Variants in B3GAT2 observed in about 807,000 individuals in gnomAD.
B3GAT2 encodes the protein galactosylgalactosylxylosylprotein 3-beta-glucuronosyltransferase 2.
In B3GAT2, 26 loss-of-function variants were observed where a neutral mutation model predicts 27.8. The ratio of observed to expected loss-of-function variants is 0.93; its 90% CI spans 0.68 to 1.30. The LOEUF (loss-of-function observed/expected upper bound fraction) is 1.30, where lower values mean the gene tolerates loss of function less well. Among genes scored for constraint, B3GAT2 ranks in the 50% most tolerant of loss-of-function variants. The probability of loss-of-function intolerance (pLI) is 0.00; values close to 1 mark genes in which losing one functional copy is unlikely to be tolerated. For synonymous variants in B3GAT2, 218 were observed against 195.1 expected (o/e 1.12, Z -0.98); for missense variants, 458 against 459.0 (o/e 1.00, Z 0.02).
chr6:70,944,943 G>C (rs1765454914), intron 1 of B3GAT2, among the ~76,000 whole-genome samples: 1 of 152,208 alleles, frequency 6.6e-6, no homozygotes, highest in Non-Finnish European at 1.5e-5. Flanking sequence ...AGCCACCGCT[G>C]CTGATAACCA....
At chr6:70,919,380 C>T (rs1469674783) in intron 1 of B3GAT2, among the ~76,000 whole-genome samples, 2 of 152,088 alleles carry the variant, frequency 1.3e-5, no homozygotes, top group South Asian at 2.1e-4. Context: ...TTGTTATTAC[C>T]GACCTTCTGA....
At chr6:70,936,819 C>T (rs1243679638) in intron 1 of B3GAT2, among the ~76,000 whole-genome samples, 5 of 152,046 alleles carry the variant, frequency 3.3e-5, no homozygotes, top group South Asian at 2.1e-4. Flanking sequence ...CCAAAATTGA[C>T]ACCCTAACAT....
At chr6:70,890,898 A>G (rs532504596) in intron 2 of B3GAT2, among the ~76,000 whole-genome samples, 5 of 152,392 alleles carry the variant, frequency 3.3e-5, no homozygotes, top group African/African-American at 9.6e-5. Context: ...AGAATTAATA[A>G]TAAGGCACAT....
intron 1 of B3GAT2, among the ~76,000 whole-genome samples, chr6:70,935,229 T>C (rs1169425534): frequency 6.6e-6 from 1 of 152,008 alleles, no homozygotes; most frequent in African/African-American, 2.4e-5. Context: ...TAGGACTGCT[T>C]GAAGCCAGGA....
At chr6:70,945,867 C>G (rs1010603125) in intron 1 of B3GAT2, among the ~76,000 whole-genome samples, 5 of 151,438 alleles carry the variant, frequency 3.3e-5, no homozygotes, top group South Asian at 2.1e-4. Context: ...GACTAACAGC[C>G]GATCTCTCGG....
At chr6:70,873,090 G>A (rs918406355) in intron 2 of B3GAT2, among the ~76,000 whole-genome samples, 1 of 152,006 alleles carries the variant, frequency 6.6e-6, no homozygotes, top group Non-Finnish European at 1.5e-5. Context: ...GGAGAAAAGA[G>A]CTATAAAGAT....
intron 2 of B3GAT2, among the ~76,000 whole-genome samples, chr6:70,893,728 A>G (rs1035466574): frequency 1.3e-5 from 2 of 152,154 alleles, no homozygotes; most frequent in Non-Finnish European, 2.9e-5. Context: ...AAATTTATCA[A>G]TAAACATGAT....
intron 1 of B3GAT2, among the ~76,000 whole-genome samples, chr6:70,904,063 A>G (rs1772555731): frequency 6.6e-6 from 1 of 152,234 alleles, no homozygotes; most frequent in South Asian, 2.1e-4. Context: ...AGTAAGAGAC[A>G]GTAATGAATA....
chr6:70,938,675 T>G (rs1352570111), intron 1 of B3GAT2, among the ~76,000 whole-genome samples: 1 of 152,012 alleles, frequency 6.6e-6, no homozygotes, highest in Non-Finnish European at 1.5e-5. Flanking sequence ...ATTTAATAAA[T>G]AGTGCTGGGA....
intron 1 of B3GAT2, among the ~76,000 whole-genome samples, chr6:70,897,563 A>T (rs1023813919): frequency 2.6e-5 from 4 of 151,666 alleles, no homozygotes; most frequent in Admixed American, 1.3e-4. Context: ...ACATGGTGAA[A>T]CCCCGTCTCT....
intron 1 of B3GAT2, among the ~76,000 whole-genome samples, chr6:70,906,980 C>T (rs1018164580): frequency 2.0e-5 from 3 of 152,220 alleles, no homozygotes; most frequent in African/African-American, 7.2e-5. Context: ...CATCAACTTA[C>T]TGAGAATGGT....
At position 70,861,219 on chromosome 6, in the gene B3GAT2, T is replaced by A. The variant is rs1242651913; in HGVS notation, c.*444A>T. ...CTATGATGTATACTGCCACTAACCT[T>A]CCAAAAATTACTTAGTATTGCAAAG... On this transcript the variant is annotated 3_prime_UTR_variant, in exon 4 of 4. Transcript: ENST00000230053. 1 of 171,158 alleles carries A rather than the reference T, an allele frequency of 5.8e-6. No homozygotes were observed. The highest frequency in any genetic ancestry group is 5.6e-5 in the Admixed American group (1 of 17,830). 10.6% of individuals were successfully genotyped at this position (171,158 alleles called of 1,614,324 possible).
At chr6:70,953,229 A>G (rs1228166188) in intron 1 of B3GAT2, among the ~76,000 whole-genome samples, 2 of 152,206 alleles carry the variant, frequency 1.3e-5, no homozygotes, top group African/African-American at 2.4e-5. Flanking sequence ...AAGGAGCTGT[A>G]GATTTTCAAT....
intron 1 of B3GAT2, among the ~76,000 whole-genome samples, chr6:70,950,730 A>T (rs1231238328): frequency 6.6e-6 from 1 of 152,228 alleles, no homozygotes; most frequent in Non-Finnish European, 1.5e-5. Context: ...ATAACTAAAT[A>T]TTAGCATTAG....
chr6:70,954,831 A>G (rs549683876), intron 1 of B3GAT2, among the ~76,000 whole-genome samples: 7 of 144,144 alleles, frequency 4.9e-5, no homozygotes, highest in Admixed American at 2.1e-4. Context: ...ACTCAGTCTC[A>G]TTTGCAGGCT....
Position 70,956,988 on chromosome 6 carries a change from T to C in B3GAT2, c.-559A>G. On this transcript the variant is annotated 5_prime_UTR_variant, in exon 1 of 4. Coordinates refer to ENST00000230053, the MANE Select transcript of B3GAT2 (RefSeq NM_080742.3). Reference sequence around the variant, plus strand: ...GCTGGGGGTTGTGTCCCGGCTGTGTTCGCGCGCCGCAGCGGAAGCCTGCTC... The same window carrying C: ...GCTGGGGGTTGTGTCCCGGCTGTGTCCGCGCGCCGCAGCGGAAGCCTGCTC... The C allele has an allele frequency of 1.0e-6, 1 of 996,224 alleles. No homozygotes were observed. The highest frequency in any genetic ancestry group is 1.2e-6 in the Non-Finnish European group (1 of 837,786). 61.7% of individuals were successfully genotyped at this position (996,224 alleles called of 1,614,324 possible). A position where few individuals can be genotyped will look rare whatever the true frequency, so the allele number is the denominator to read the frequency against.
intron 1 of B3GAT2, among the ~76,000 whole-genome samples, chr6:70,946,356 C>T (rs1765483386): frequency 6.6e-6 from 1 of 151,984 alleles, no homozygotes; most frequent in Admixed American, 6.6e-5. Flanking sequence ...CAGAGACACA[C>T]ATAGGCTCAA....
chr6:70,954,919 G>A (rs568228256), intron 1 of B3GAT2, among the ~76,000 whole-genome samples: 1 of 151,648 alleles, frequency 6.6e-6, no homozygotes. Context: ...GGGCGGCGGG[G>A]GGGGGCGGTG....
intron 2 of B3GAT2, among the ~76,000 whole-genome samples, chr6:70,888,078 A>G (rs1029449405): frequency 6.6e-6 from 1 of 152,126 alleles, no homozygotes; most frequent in Non-Finnish European, 1.5e-5. Context: ...TTCGAGGTGG[A>G]GTGGACACGG....
Sources: allele counts gnomAD v4.1 joint callset (sites outside exome capture counted in the v4.1 genomes callset), GRCh38; gene constraint gnomAD v4.1.1; transcripts MANE v1.5; gene names NCBI Gene and HGNC (gene_info 2026-07-23, HGNC 2026-07-21).